PLA2G6: variants seen among roughly 807,000 people sequenced by gnomAD.
PLA2G6 encodes the protein phospholipase A2 group VI.
A neutral mutation model predicts 83.8 loss-of-function variants in PLA2G6; 62 were observed. That is an observed-to-expected ratio of 0.74 (90% CI 0.60 to 0.91). PLA2G6 has a LOEUF of 0.91. PLA2G6 is among the 40% of genes least tolerant of loss of function. PLA2G6 has a pLI of 0.00. For synonymous variants in PLA2G6, 417 were observed against 449.8 expected (o/e 0.93, Z 0.92); for missense variants, 944 against 1,102.0 (o/e 0.86, Z 2.03).
chr22:38,133,523 A>AGG lies in PLA2G6; in HGVS notation c.895-512_895-511dup, dbSNP rs1171532672. 4.9e-5 allele frequency: 8 copies of AGG among 162,320 alleles called. No homozygotes were observed. In the East Asian group the frequency reaches 1.4e-3, roughly 28 times the overall value. 10.1% of individuals were successfully genotyped at this position (162,320 alleles called of 1,614,324 possible). A position where few individuals can be genotyped will look rare whatever the true frequency, so the allele number is the denominator to read the frequency against. ...GGGTCACTGTAGCCATGTGCACTTCAGGGCTTCTGTGAAGATGGGAATGCA... is the reference window on the plus strand; with the variant it reads ...GGGTCACTGTAGCCATGTGCACTTCAGGGGGCTTCTGTGAAGATGGGAATGCA... On this transcript the variant is annotated intron_variant, in intron 6 of 16. Coordinates refer to ENST00000332509, the MANE Select transcript of PLA2G6 (RefSeq NM_003560.4).
At chr22:38,180,140 G>GAC (rs133028) in intron 1 of PLA2G6, among the ~76,000 whole-genome samples, 9,264 of 137,716 alleles carry the variant, frequency 0.067, 357 homozygotes, top group African/African-American at 0.12. Flanking sequence ...GATGTCTGCA[G>GAC]ACACACACAC....
intron 2 of PLA2G6, among the ~76,000 whole-genome samples, chr22:38,161,668 A>T (rs776772643): frequency 6.6e-6 from 1 of 152,012 alleles, no homozygotes; most frequent in Non-Finnish European, 1.5e-5. Flanking sequence ...GACAACAGGG[A>T]ATGTGGAGTA....
Position 38,120,880 on chromosome 22 carries a change from A to G in PLA2G6, c.1621T>C (p.Tyr541His), listed in dbSNP as rs757250238. 2 of 1,613,808 alleles carry G rather than the reference A, an allele frequency of 1.2e-6. No individual in the cohort carries two copies. The highest frequency in any genetic ancestry group is 1.7e-6 in the Non-Finnish European group (2 of 1,180,030). The stretch of plus-strand genomic sequence containing the variant: ...AACACCTCATCCTTCATGCGAAAGT[A>G]CATGCCGCGCATGTAGGCCATGGAC... ...SKSMAYMRGMYFRMKDEVFRG... is the reference protein window; with the variant it reads ...SKSMAYMRGMHFRMKDEVFRG... Residue 541 changes from tyrosine (Y) to histidine (H), a missense_variant, in exon 12 of 17, where the codon TAC becomes CAC. By Grantham distance (83) the Tyr-to-His change is moderately conservative. Transcript: ENST00000332509.
At chr22:38,175,382 C>A (rs1051509361) in intron 1 of PLA2G6, among the ~76,000 whole-genome samples, 1 of 152,100 alleles carries the variant, frequency 6.6e-6, no homozygotes, top group African/African-American at 2.4e-5. Context: ...TGGCCAGTGG[C>A]GCCCCATGAC....
intron 4 of PLA2G6, 34 bp from the exon 5 acceptor site, chr22:38,140,203 G>A (rs1286947444): frequency 1.5e-5 from 24 of 1,603,458 alleles, no homozygotes; most frequent in Non-Finnish European, 2.0e-5. Flanking sequence ...TGACTCCATA[G>A]GATGCTGATA....
chr22:38,124,543 T>G (rs1440725787), intron 10 of PLA2G6, among the ~76,000 whole-genome samples: 2 of 152,280 alleles, frequency 1.3e-5, no homozygotes, highest in Admixed American at 1.3e-4. Context: ...CTCAGCTTGA[T>G]GAAGCTGAGA....
At chr22:38,169,014 G>A (rs969131236) in intron 2 of PLA2G6, among the ~76,000 whole-genome samples, 8 of 152,024 alleles carry the variant, frequency 5.3e-5, no homozygotes, top group East Asian at 1.9e-4. Flanking sequence ...CCTCAGCCTC[G>A]TGCTGGGACA....
intron 2 of PLA2G6, among the ~76,000 whole-genome samples, chr22:38,161,596 T>C (rs776278025): frequency 1.3e-5 from 2 of 151,928 alleles, no homozygotes; most frequent in African/African-American, 2.4e-5. Flanking sequence ...TGTCAAGAAG[T>C]AGATGACAGG....
chr22:38,169,275 G>C lies in PLA2G6; in HGVS notation c.152C>G (p.Pro51Arg). The stretch of plus-strand genomic sequence containing the variant: ...CAGGACGCAGTCCCAGGTGCGGTTG[G>C]GAGTGTTCTGGAACAGAATCAGCTG... The part of the protein sequence containing the change: ...EGQLILFQNT[P>R]NRTWDCVLVN... Residue 51 changes from proline to arginine, a missense_variant, in exon 2 of 17, where the codon CCC becomes CGC. Transcript: ENST00000332509. The C allele has an allele frequency of 1.9e-6, 3 of 1,614,192 alleles. No homozygotes were observed. Among genetic ancestry groups the C allele is most frequent in the Non-Finnish European group, 2.5e-6 (3 of 1,180,036 alleles).
rs1244102320 is a variant in PLA2G6 at position 38,181,021 on chromosome 22, C to G, written c.-46+643G>C. On this transcript the variant is annotated intron_variant, in intron 1 of 16. Transcript: ENST00000332509. ...GTATTCGTTGGGGTCATGTGGGTAG[C>G]CCATTAAAAATACGGCCACAGGTCC... Among the ~76,000 whole-genome samples, 3 of 152,052 alleles carry G rather than the reference C, an allele frequency of 2.0e-5. No individual in the cohort carries two copies. In the East Asian group the frequency reaches 5.8e-4, roughly 29 times the overall value.
intron 4 of PLA2G6, chr22:38,140,958 C>T (rs11570656): frequency 2.4e-4 from 37 of 152,014 alleles, no homozygotes; most frequent in Non-Finnish European, 4.4e-4. Context: ...TTTGGGAGGC[C>T]GAGGCAGGCG....
rs564981947 is a variant in PLA2G6 at position 38,152,862 on chromosome 22, A to G, written c.210-7209T>C. On this transcript the variant is annotated intron_variant, in intron 2 of 16. Coordinates refer to ENST00000332509, the MANE Select transcript of PLA2G6 (RefSeq NM_003560.4). ...AAAACGCTCAATCACAAATTGCAAAAGCATTATGCTAAGTGAAAAAGTCAG... is the reference window on the plus strand; with the variant it reads ...AAAACGCTCAATCACAAATTGCAAAGGCATTATGCTAAGTGAAAAAGTCAG... 2.0e-4 allele frequency among the ~76,000 whole-genome samples: 30 copies of G among 152,332 alleles called. No homozygotes were observed. In the South Asian group the frequency reaches 6.2e-3, roughly 32 times the overall value.
At chr22:38,136,513 A>AC (rs2088561648) in intron 5 of PLA2G6, 1 of 152,100 alleles carries the variant, frequency 6.6e-6, no homozygotes, top group South Asian at 2.1e-4. Flanking sequence ...AATCACTTGA[A>AC]CCCGGGAGGT....
chr22:38,159,929 A>G (rs2089944532), intron 2 of PLA2G6, among the ~76,000 whole-genome samples: 1 of 152,226 alleles, frequency 6.6e-6, no homozygotes, highest in Non-Finnish European at 1.5e-5. Context: ...GATACCATTA[A>G]AAGAATAAAA....
In PLA2G6 at chr22:38,117,081, A is replaced by T. The variant is rs117319384; in HGVS notation, c.1743-870T>A. 1.3e-3 allele frequency among the ~76,000 whole-genome samples: 197 copies of T among 150,912 alleles called. 1 individual carries two copies. In the East Asian group the frequency reaches 0.033, roughly 25 times the overall value. Reference sequence around the variant, plus strand: ...AACTCCAGGCCTAGAAGAATTTACTATCAAGTTCTACCATAAATTCAAAAT... The same window carrying T: ...AACTCCAGGCCTAGAAGAATTTACTTTCAAGTTCTACCATAAATTCAAAAT... On this transcript the variant is annotated intron_variant, in intron 12 of 16. Transcript: ENST00000332509.
intron 3 of PLA2G6, chr22:38,144,899 G>C (rs2089155232): frequency 6.8e-6 from 2 of 292,468 alleles, no homozygotes; most frequent in Non-Finnish European, 1.4e-5. Flanking sequence ...ACGATACCTT[G>C]TGGGGGTTGG....
At chr22:38,122,266 C>T (rs182929341) in intron 11 of PLA2G6, among the ~76,000 whole-genome samples, 108 of 152,220 alleles carry the variant, frequency 7.1e-4, no homozygotes, top group Non-Finnish European at 1.1e-3. Flanking sequence ...GATGTGGGGG[C>T]GCTCTGGAGA....
chr22:38,167,331 G>C (rs1311133087), intron 2 of PLA2G6, among the ~76,000 whole-genome samples: 1 of 152,140 alleles, frequency 6.6e-6, no homozygotes, highest in East Asian at 1.9e-4. Context: ...AAATCCTCCT[G>C]GGATGGAGGT....
chr22:38,168,255 T>C (rs1280895254), intron 2 of PLA2G6, among the ~76,000 whole-genome samples: 1 of 152,178 alleles, frequency 6.6e-6, no homozygotes, highest in Non-Finnish European at 1.5e-5. Flanking sequence ...TTGGTGCATG[T>C]TGAATGGATG....
Sources: gnomAD v4.1 joint callset for allele counts (sites outside exome capture counted in the v4.1 genomes callset) on GRCh38, gnomAD v4.1.1 for gene constraint, MANE v1.5 for transcripts, NCBI Gene and HGNC (gene_info 2026-07-23, HGNC 2026-07-21) for gene names.